TSPAN16: variants seen among roughly 807,000 people sequenced by gnomAD.
TSPAN16 encodes tetraspanin 16.
TSPAN16 carries 23 observed loss-of-function variants against 25.2 expected under a neutral mutation model. The observed-to-expected ratio is 0.91, with a 90% CI of 0.66 to 1.29. The LOEUF is 1.29. Among genes scored for constraint, TSPAN16 ranks in the 50% most tolerant of loss-of-function variants. The pLI, the probability that TSPAN16 is intolerant of heterozygous loss-of-function variation, is 0.00. For missense variants in TSPAN16, 272 were observed against 299.9 expected (o/e 0.91, Z 0.69); for synonymous variants, 123 against 124.4 (o/e 0.99, Z 0.08).
intron 6 of TSPAN16, chr19:11,322,918 A>C (rs2080788823): frequency 6.6e-6 from 1 of 152,152 alleles, no homozygotes; most frequent in East Asian, 1.9e-4. Flanking sequence ...CAACAAAACC[A>C]GCCTGGCCAA....
intron 4 of TSPAN16, among the ~76,000 whole-genome samples, chr19:11,304,225 G>T (rs2080600985): frequency 6.6e-6 from 1 of 151,600 alleles, no homozygotes; most frequent in African/African-American, 2.4e-5. Context: ...CAGGCAGGGA[G>T]GGTTCAAAGT....
At chr19:11,322,459 A>C (rs184541883) in intron 6 of TSPAN16, 63 of 152,232 alleles carry the variant, frequency 4.1e-4, no homozygotes, top group African/African-American at 1.4e-3. Flanking sequence ...GTTAAGAAGG[A>C]AGGCACTGGT....
chr19:11,303,577 T>TAAAAAAA (rs1322861353), intron 4 of TSPAN16, among the ~76,000 whole-genome samples: 4 of 78,286 alleles, frequency 5.1e-5, no homozygotes, highest in African/African-American at 9.3e-5. Context: ...ATAAATAAAT[T>TAAAAAAA]AAAAAAAAAA....
intron 4 of TSPAN16, among the ~76,000 whole-genome samples, chr19:11,305,541 TAAA>T (rs1568289901): frequency 1.3e-4 from 17 of 127,160 alleles, no homozygotes; most frequent in African/African-American, 5.1e-4. Flanking sequence ...AAAAAAATAA[TAAA>T]AATAAAAATA....
chr19:11,297,065 C>A (rs94514), intron 1 of TSPAN16, among the ~76,000 whole-genome samples: 64,146 of 151,780 alleles, frequency 0.42, 15,510 homozygotes, highest in African/African-American at 0.67. Flanking sequence ...AGAATAAAAA[C>A]ATAAAAAGAA....
downstream of TSPAN16, among the ~76,000 whole-genome samples, chr19:11,319,375 G>T (rs1291802550): frequency 2.0e-5 from 3 of 152,158 alleles, no homozygotes; most frequent in Non-Finnish European, 4.4e-5. Flanking sequence ...CAAGGCGGGC[G>T]GATCACGAGG....
downstream of TSPAN16, among the ~76,000 whole-genome samples, chr19:11,320,704 GAAAA>G (rs1297147282): frequency 6.6e-6 from 1 of 151,332 alleles, no homozygotes; most frequent in Non-Finnish European, 1.5e-5. Flanking sequence ...AAAAGAAAAA[GAAAA>G]AAGAAATGCT....
At chr19:11,321,834 G>T (rs980613258) in intron 6 of TSPAN16, among the ~76,000 whole-genome samples, 1 of 152,142 alleles carries the variant, frequency 6.6e-6, no homozygotes, top group Non-Finnish European at 1.5e-5. Flanking sequence ...GCTGGGGAGA[G>T]AACTGAGCTT....
chr19:11,298,290 G>T lies in TSPAN16; in HGVS notation c.218G>T (p.Cys73Phe). Residue 73 changes from cysteine (C) to phenylalanine (F), a missense_variant, in exon 2 of 7, where the codon TGT becomes TTT. Transcript: ENST00000590327. ...GGATGCATCACGGTACTGCTTGGCT[G>T]TGCCGGGTGGTATGGAGCGACTAAA... ...VMGCITVLLGCAGWYGATKES... is the reference protein window; with the variant it reads ...VMGCITVLLGFAGWYGATKES... 6.2e-7 allele frequency: 1 copy of T among 1,614,148 alleles called. No individual in the cohort carries two copies. Among genetic ancestry groups the T allele is most frequent in the South Asian group, 1.1e-5 (1 of 91,082 alleles).
At chr19:11,310,928 C>T (rs1236174908) in intron 5 of TSPAN16, among the ~76,000 whole-genome samples, 1 of 152,086 alleles carries the variant, frequency 6.6e-6, no homozygotes, top group African/African-American at 2.4e-5. Flanking sequence ...GCCTTGACCT[C>T]CTAGGCTCAA....
At chr19:11,306,532 A>G in intron 4 of TSPAN16, 72 bp from the exon 5 acceptor site, 2 of 1,577,354 alleles carry the variant, frequency 1.3e-6, no homozygotes, top group Non-Finnish European at 1.7e-6. Flanking sequence ...GACGGTAGCC[A>G]TGGTAACCGT....
At chr19:11,298,709 A>G (rs1443913801) in intron 2 of TSPAN16, among the ~76,000 whole-genome samples, 163 bp from the exon 3 acceptor site, 3 of 152,018 alleles carry the variant, frequency 2.0e-5, no homozygotes, top group Admixed American at 6.6e-5. Flanking sequence ...TGGGATTACA[A>G]GTGTTGAGCC....
At chr19:11,315,280 A>C (rs2080736023) in intron 6 of TSPAN16, among the ~76,000 whole-genome samples, 1 of 134,186 alleles carries the variant, frequency 7.5e-6, no homozygotes, top group African/African-American at 2.9e-5. Context: ...ATAATAGGCC[A>C]GGCGCGGTGG....
chr19:11,323,552 C>G (rs778375036), intron 6 of TSPAN16: 1 of 152,176 alleles, frequency 6.6e-6, no homozygotes, highest in Non-Finnish European at 1.5e-5. Flanking sequence ...GATTGTGCCA[C>G]CGCACTCCAG....
intron 5 of TSPAN16, among the ~76,000 whole-genome samples, chr19:11,308,762 C>T (rs1323209013): frequency 6.6e-6 from 1 of 152,050 alleles, no homozygotes; most frequent in East Asian, 1.9e-4. Context: ...CGTGAGCCAC[C>T]GCGCCTGGCC....
intron 4 of TSPAN16, among the ~76,000 whole-genome samples, chr19:11,302,528 C>CAAAAAAAA (rs71164181): frequency 2.0e-5 from 1 of 49,282 alleles, no homozygotes; most frequent in African/African-American, 7.9e-5. Context: ...GGCTCCATCT[C>CAAAAAAAA]AAAAAAAAAA....
chr19:11,298,931 T>C lies in TSPAN16; in HGVS notation c.327T>C (p.Leu109=), dbSNP rs2080511471. The C allele has an allele frequency of 8.1e-6, 13 of 1,614,048 alleles. No individual in the cohort carries two copies. Among genetic ancestry groups the C allele is most frequent in the Non-Finnish European group, 1.1e-5 (13 of 1,179,950 alleles). The change falls in exon 3 of 7, where the codon CTT becomes CTC. Residue 109 remains leucine (L), a synonymous_variant. Transcript: ENST00000590327. ...IMEVTAATVV[L]LFFPIVGDVA... The stretch of plus-strand genomic sequence containing the variant: ...AAGTTACAGCTGCCACAGTGGTCCT[T>C]CTTTTCTTTCCAATTGTAAGTACAG...
intron 6 of TSPAN16, chr19:11,322,106 A>G (rs1302049790): frequency 6.6e-6 from 1 of 152,198 alleles, no homozygotes; most frequent in East Asian, 1.9e-4. Flanking sequence ...TGTTGAGAAG[A>G]GTACATCTTT....
rs2080621382 is a variant in TSPAN16 at position 11,305,941 on chromosome 19, A to G, written c.451-663A>G. On this transcript the variant is annotated intron_variant, in intron 4 of 6. Transcript: ENST00000590327. ...AGATGGGCAAGAAACCAATAACTAA[A>G]CATTGGTATCAGGTTCATAACTGCT... 3.3e-5 allele frequency among the ~76,000 whole-genome samples: 5 copies of G among 151,998 alleles called. No homozygotes were observed. In the South Asian group the frequency reaches 1.0e-3, roughly 31 times the overall value.
Sources: gnomAD v4.1 joint callset for allele counts (sites outside exome capture counted in the v4.1 genomes callset) on GRCh38, gnomAD v4.1.1 for gene constraint, MANE v1.5 for transcripts, NCBI Gene and HGNC (gene_info 2026-07-23, HGNC 2026-07-21) for gene names.